The following PCDHGA10 variants were observed in gnomAD, a reference collection of about 807,000 sequenced individuals.
The protein encoded by PCDHGA10 is protocadherin gamma subfamily A, 10.
A neutral mutation model predicts 59.5 loss-of-function variants in PCDHGA10; 42 were observed. That is an observed-to-expected ratio of 0.71 (90% CI 0.55 to 0.91). The LOEUF (loss-of-function observed/expected upper bound fraction) is 0.91. Among genes scored for constraint, PCDHGA10 ranks in the 40% least tolerant of loss-of-function variants. The pLI is 0.00. For synonymous variants in PCDHGA10, 511 were observed against 517.2 expected (o/e 0.99, Z 0.16); for missense variants, 1,111 against 1,198.2 (o/e 0.93, Z 1.07).
chr5:141,460,766 A>G (rs1370331016), intron 1 of PCDHGA10, among the ~76,000 whole-genome samples: 1 of 152,056 alleles, frequency 6.6e-6, no homozygotes, highest in Non-Finnish European at 1.5e-5. Flanking sequence ...TACATATTGC[A>G]TATGTATGTA....
rs765972156 is a variant in PCDHGA10, at chr5:141,432,960, G to A, written c.2436+17349G>A. 3.1e-6 allele frequency: 5 copies of A among 1,614,070 alleles called. No individual in the cohort carries two copies. The East Asian group carries it at 6.7e-5, about 22-fold the overall frequency. On this transcript the variant is annotated intron_variant, in intron 1 of 3. Transcript: ENST00000398610. This position sits in a 1 kb window ranked among gnomAD's most constrained non-coding sequence, Gnocchi z 6.0. ...CAGGCTTCAGGAGGCGGCTTGACAG[G>A]AGCGCCGGCGTCGCACTTTGTGGGC...
chr5:141,444,463 G>A (rs570185430), intron 1 of PCDHGA10, among the ~76,000 whole-genome samples: 10 of 152,026 alleles, frequency 6.6e-5, no homozygotes, highest in Admixed American at 1.3e-4. Context: ...GAGTCACTGC[G>A]CCCGGTCGCG....
intron 1 of PCDHGA10, among the ~76,000 whole-genome samples, chr5:141,448,711 C>T (rs62379167): frequency 0.23 from 35,567 of 151,844 alleles, 4,336 homozygotes; most frequent in Admixed American, 0.32. Context: ...GAGGCCGAGG[C>T]GGGAGGATCA....
chr5:141,464,515 A>C (rs969421973), intron 1 of PCDHGA10, among the ~76,000 whole-genome samples: 4 of 152,028 alleles, frequency 2.6e-5, no homozygotes, highest in Non-Finnish European at 4.4e-5. Flanking sequence ...CATAAGGTAA[A>C]GGCATATGTA....
chr5:141,441,102 C>A (rs1057297804), intron 1 of PCDHGA10: 2 of 152,148 alleles, frequency 1.3e-5, no homozygotes, highest in Non-Finnish European at 2.9e-5. Flanking sequence ...GAGAGGGACT[C>A]ATTGTCCAGT....
chr5:141,418,125 G>A (rs765373450), intron 1 of PCDHGA10: 2 of 1,614,086 alleles, frequency 1.2e-6, no homozygotes, highest in Middle Eastern at 1.7e-4. Flanking sequence ...GTGAAGGACC[G>A]AATAGACCGT....
intron 2 of PCDHGA10, among the ~76,000 whole-genome samples, chr5:141,502,253 T>C (rs1331834149): frequency 6.6e-6 from 1 of 152,232 alleles, no homozygotes; most frequent in South Asian, 2.1e-4. Context: ...TTTTTTTTAA[T>C]CCAGGATTTT....
At chr5:141,466,864 C>G (rs925681539) in intron 1 of PCDHGA10, among the ~76,000 whole-genome samples, 24 of 151,910 alleles carry the variant, frequency 1.6e-4, no homozygotes, top group African/African-American at 5.3e-4. Flanking sequence ...TTTTGAAATC[C>G]ACACATTTTT....
Position 141,477,865 on chromosome 5 carries a change from T to A in PCDHGA10, c.2437-16942T>A, listed in dbSNP as rs1380570615. On this transcript the variant is annotated intron_variant, in intron 1 of 3. Transcript: ENST00000398610. This position sits in a 1 kb window ranked among gnomAD's most constrained non-coding sequence, Gnocchi z 4.9. ...GCTCGGTGGAGATGCTGCCTCGAGG[T>A]ACCTCAGCTGGCCACCTAGTGTCAC... 6.2e-7 allele frequency: 1 copy of A among 1,612,698 alleles called. No individual in the cohort carries two copies. Among genetic ancestry groups the A allele is most frequent in the Non-Finnish European group, 8.5e-7 (1 of 1,179,562 alleles).
chr5:141,419,240 G>T, intron 1 of PCDHGA10: 1 of 1,613,980 alleles, frequency 6.2e-7, no homozygotes. Flanking sequence ...CCTGGTCCAC[G>T]TGCCAGAAAA....
At position 141,490,664 on chromosome 5, in the gene PCDHGA10, C is replaced by T; in HGVS notation, c.2437-4143C>T. 6.2e-7 allele frequency: 1 copy of T among 1,614,212 alleles called. No homozygotes were observed. The highest frequency in any genetic ancestry group is 1.1e-5 in the South Asian group (1 of 91,084). On this transcript the variant is annotated intron_variant, in intron 1 of 3. Coordinates refer to ENST00000398610, the MANE Select transcript of PCDHGA10 (RefSeq NM_018913.3). The surrounding 1 kb of genome is among the most constrained non-coding windows in gnomAD (Gnocchi z 5.4). ...CGGCCTCCGGGCTCCCTTCTTTGCA[C>T]TGTGGCTGCCTCAGATCCAGACACT...
intron 1 of PCDHGA10, among the ~76,000 whole-genome samples, chr5:141,453,288 ATTATTTATTTAT>A (rs577328880): frequency 6.6e-6 from 1 of 151,342 alleles, no homozygotes; most frequent in African/African-American, 2.4e-5. Context: ...TAATTTTTTA[ATTATTTATTTAT>A]TTATTTATTT....
intron 1 of PCDHGA10, among the ~76,000 whole-genome samples, chr5:141,472,527 G>A (rs905459978): frequency 1.3e-5 from 2 of 151,468 alleles, no homozygotes; most frequent in African/African-American, 4.9e-5. Flanking sequence ...GTGACAGAGT[G>A]AGACACCATC....
chr5:141,445,828 G>A (rs1188169953), intron 1 of PCDHGA10, among the ~76,000 whole-genome samples: 2 of 152,188 alleles, frequency 1.3e-5, no homozygotes, highest in African/African-American at 2.4e-5. Context: ...AAGGCAGGGA[G>A]AGCCTTGTAA....
intron 1 of PCDHGA10, among the ~76,000 whole-genome samples, chr5:141,460,709 A>G (rs2098995845): frequency 6.6e-6 from 1 of 151,794 alleles, no homozygotes; most frequent in Non-Finnish European, 1.5e-5. Flanking sequence ...ATGAGAATAA[A>G]CTATTGTTAT....
At chr5:141,430,635 T>C (rs1561846344) in intron 1 of PCDHGA10, 1 of 881,828 alleles carries the variant, frequency 1.1e-6, no homozygotes, top group African/African-American at 1.7e-5. Context: ...GAACCATCCC[T>C]GGGAGTATGT....
At chr5:141,430,781 C>T (rs559701152) in intron 1 of PCDHGA10, 6 of 1,510,922 alleles carry the variant, frequency 4.0e-6, no homozygotes, top group South Asian at 2.7e-5. Context: ...GCGACTGCAC[C>T]GGGACTACAA....
chr5:141,450,826 A>ATTTT (rs764729742), intron 1 of PCDHGA10, among the ~76,000 whole-genome samples: 5 of 134,360 alleles, frequency 3.7e-5, no homozygotes, highest in East Asian at 2.1e-4. Flanking sequence ...TATTATTATT[A>ATTTT]TTATTTTTTT....
Position 141,477,140 on chromosome 5 carries a change from G to GT in PCDHGA10, c.2437-17665dup. ...AGCACATTGCAAAGTGTTGGTGGAG[G>GT]TTGTGGATGTGAATGACAACGCCCC... On this transcript the variant is annotated intron_variant, in intron 1 of 3. Transcript: ENST00000398610. The surrounding 1 kb of genome is among the most constrained non-coding windows in gnomAD (Gnocchi z 4.9). 1 of 1,614,220 alleles carries GT rather than the reference G, an allele frequency of 6.2e-7. No homozygotes were observed. Among genetic ancestry groups the GT allele is most frequent in the Non-Finnish European group, 8.5e-7 (1 of 1,180,048 alleles).
Sources: allele counts gnomAD v4.1 joint callset (sites outside exome capture counted in the v4.1 genomes callset), GRCh38; gene constraint gnomAD v4.1.1; non-coding constraint Gnocchi (gnomAD v3.1); transcripts MANE v1.5; gene names NCBI Gene and HGNC (gene_info 2026-07-23, HGNC 2026-07-21).